GHR: variants seen among roughly 807,000 people sequenced by gnomAD.
GHR encodes the protein growth hormone receptor, also known as GH receptor.
In GHR, 35 loss-of-function variants were observed where a neutral mutation model predicts 67.1. That is an observed-to-expected ratio of 0.52 (90% CI 0.40 to 0.69). The LOEUF is 0.69. Ranked by LOEUF, GHR falls within the 30% of genes least tolerant of loss-of-function variation. The pLI is 0.00. For missense variants in GHR, 792 were observed against 764.6 expected, an observed-to-expected ratio of 1.04 and a Z score of -0.42; for synonymous variants, 272 against 269.1, an observed-to-expected ratio of 1.01 and a Z score of -0.10.
chr5:42,468,502 C>A (rs1344264726), intron 1 of GHR: 3 of 785,010 alleles, frequency 3.8e-6, no homozygotes, highest in Non-Finnish European at 6.3e-6. Context: ...CAGCAGGAGG[C>A]TGGGGGACCA....
At chr5:42,610,466 T>C (rs1169677843) in intron 2 of GHR, among the ~76,000 whole-genome samples, 2 of 152,182 alleles carry the variant, frequency 1.3e-5, no homozygotes, top group Admixed American at 1.3e-4. Context: ...TTTATTTTTC[T>C]CAAGATGTTG....
At chr5:42,626,602 G>A (rs1451032177) in intron 2 of GHR, among the ~76,000 whole-genome samples, 1 of 152,108 alleles carries the variant, frequency 6.6e-6, no homozygotes, top group Non-Finnish European at 1.5e-5. Flanking sequence ...GGGCTGAAGT[G>A]TCTCAACCTC....
At chr5:42,658,083 A>G (rs1427083097) in intron 3 of GHR, among the ~76,000 whole-genome samples, 6 of 152,180 alleles carry the variant, frequency 3.9e-5, no homozygotes. Flanking sequence ...CTGTTTGTTC[A>G]TATAAATTAG....
intron 2 of GHR, among the ~76,000 whole-genome samples, chr5:42,585,507 C>G (rs1751428863): frequency 6.6e-6 from 1 of 152,194 alleles, no homozygotes; most frequent in South Asian, 2.1e-4. Flanking sequence ...CTGGAATGTT[C>G]CAAAAAACCT....
intron 1 of GHR, among the ~76,000 whole-genome samples, chr5:42,528,944 A>G (rs747289184): frequency 1.3e-5 from 2 of 152,124 alleles, no homozygotes; most frequent in Non-Finnish European, 2.9e-5. Flanking sequence ...ATTAAAGTAT[A>G]TACATTGTGC....
At chr5:42,645,847 T>C (rs1191697356) in intron 3 of GHR, among the ~76,000 whole-genome samples, 1 of 152,236 alleles carries the variant, frequency 6.6e-6, no homozygotes, top group Non-Finnish European at 1.5e-5. Flanking sequence ...GACCGATTTC[T>C]AGGAGCCCTA....
At chr5:42,574,907 C>T (rs911128360) in intron 2 of GHR, among the ~76,000 whole-genome samples, 2 of 152,048 alleles carry the variant, frequency 1.3e-5, no homozygotes, top group Admixed American at 1.3e-4. Context: ...ACTGAAATTC[C>T]AGGCTAAAAT....
At chr5:42,487,122 C>G (rs1468368862) in intron 1 of GHR, among the ~76,000 whole-genome samples, 1 of 152,140 alleles carries the variant, frequency 6.6e-6, no homozygotes, top group African/African-American at 2.4e-5. Flanking sequence ...TACTTTGAAA[C>G]ATTTCACAGT....
intron 7 of GHR, among the ~76,000 whole-genome samples, 165 bp from the exon 8 acceptor site, chr5:42,713,264 A>T (rs1758558697): frequency 6.6e-6 from 1 of 152,168 alleles, no homozygotes; most frequent in African/African-American, 2.4e-5. Context: ...CATAAAACAG[A>T]AAAAAACTAA....
intron 3 of GHR, among the ~76,000 whole-genome samples, chr5:42,672,403 A>G (rs1756362725): frequency 6.6e-6 from 1 of 152,220 alleles, no homozygotes; most frequent in South Asian, 2.1e-4. Context: ...AGTAGCCACA[A>G]AAGAAATAAA....
chr5:42,636,570 G>A (rs1350499549), intron 3 of GHR, among the ~76,000 whole-genome samples: 1 of 151,730 alleles, frequency 6.6e-6, no homozygotes, highest in Non-Finnish European at 1.5e-5. Context: ...CCTAGCTTCT[G>A]CACACATGAG....
chr5:42,474,295 G>GAA lies in GHR; in HGVS notation c.-12+50341_-12+50342insAA, dbSNP rs147851081. On this transcript the variant is annotated intron_variant, in intron 1 of 9. Coordinates refer to ENST00000230882, the MANE Select transcript of GHR (RefSeq NM_000163.5). ...AGAAAGAAAGAAAGAAAAAGAGAAA[G>GAA]AGAAAGAAAGAAAGAAAGAAAGAAA... Among the ~76,000 whole-genome samples, 509 of 81,074 alleles carry GAA rather than the reference G, an allele frequency of 6.3e-3. 10 individuals are homozygous for GAA. The highest frequency in any genetic ancestry group is 0.021 in the African/African-American group (367 of 17,722). The allele number at this position is 81,074 out of a possible 152,430, so 53.2% of individuals were successfully genotyped here. A position where few individuals can be genotyped will look rare whatever the true frequency, so the allele number is the denominator to read the frequency against.
intron 4 of GHR, among the ~76,000 whole-genome samples, chr5:42,692,188 T>G (rs1484661264): frequency 6.6e-6 from 1 of 152,158 alleles, no homozygotes; most frequent in Non-Finnish European, 1.5e-5. Flanking sequence ...AACGTGCGCT[T>G]TCTGTCATGA....
At chr5:42,496,724 T>C (rs1279584355) in intron 1 of GHR, among the ~76,000 whole-genome samples, 1 of 152,202 alleles carries the variant, frequency 6.6e-6, no homozygotes, top group Non-Finnish European at 1.5e-5. Context: ...TTTATCCCCT[T>C]AGTTGAAACA....
chr5:42,453,877 A>C (rs546553816), intron 1 of GHR, among the ~76,000 whole-genome samples: 3 of 152,200 alleles, frequency 2.0e-5, no homozygotes, highest in Admixed American at 6.5e-5. Context: ...GTATAGGTGC[A>C]GACTTTCCCT....
At chr5:42,509,082 A>G (rs183238474) in intron 1 of GHR, among the ~76,000 whole-genome samples, 2 of 152,140 alleles carry the variant, frequency 1.3e-5, no homozygotes, top group South Asian at 2.1e-4. Context: ...CACCTTATAC[A>G]CTTTACTCCA....
In GHR at chr5:42,617,966, G is replaced by A. The variant is rs538170974; in HGVS notation, c.71-11072G>A. On this transcript the variant is annotated intron_variant, in intron 2 of 9. Coordinates refer to ENST00000230882, the MANE Select transcript of GHR (RefSeq NM_000163.5). The stretch of plus-strand genomic sequence containing the variant: ...AACAATGTTGTGTGATTTGATTACC[G>A]TTTTGACTCTCATTTAATTGTCCAT... Among the ~76,000 whole-genome samples, 5 of 152,086 alleles carry A rather than the reference G, an allele frequency of 3.3e-5. No homozygotes were observed. The South Asian group carries it at 6.2e-4, about 19-fold the overall frequency.
At chr5:42,482,177 C>T (rs571536305) in intron 1 of GHR, among the ~76,000 whole-genome samples, 7 of 152,122 alleles carry the variant, frequency 4.6e-5, no homozygotes, top group South Asian at 2.1e-4. Context: ...GTATCAGCAG[C>T]GGTGGCTGAA....
chr5:42,548,426 T>A, intron 1 of GHR: 1 of 984,734 alleles, frequency 1.0e-6, no homozygotes, highest in Non-Finnish European at 1.2e-6. Flanking sequence ...TGCTTGCATA[T>A]ATGAGTGAAA....
Sources: gnomAD v4.1 joint callset for allele counts (sites outside exome capture counted in the v4.1 genomes callset) on GRCh38, gnomAD v4.1.1 for gene constraint, MANE v1.5 for transcripts, NCBI Gene and HGNC (gene_info 2026-07-23, HGNC 2026-07-21) for gene names.